AP1M2: variants seen among roughly 807,000 people sequenced by gnomAD.
The protein encoded by AP1M2 is adaptor related protein complex 1 subunit mu 2, also known as AP-1 complex subunit mu-2.
AP1M2 carries 41 observed loss-of-function variants against 54.6 expected under a neutral mutation model. The ratio of observed to expected loss-of-function variants is 0.75; its 90% CI spans 0.59 to 0.97. The LOEUF is 0.97. AP1M2 is among the 50% of genes least tolerant of loss of function. The pLI is 0.00. For synonymous variants in AP1M2, 219 were observed against 215.9 expected (o/e 1.01, Z -0.13); for missense variants, 507 against 561.2 (o/e 0.90, Z 0.98).
Position 10,581,654 on chromosome 19 carries a change from G to T in AP1M2, c.399-20C>A, listed in dbSNP as rs760710394. ...ATGTACCTGGAGGGAGGGCGGCAGG[G>T]ACAAGCAGCTGGACCCAGGGACACC... On this transcript the variant is annotated intron_variant, in intron 4 of 11. Coordinates refer to ENST00000250244, the MANE Select transcript of AP1M2 (RefSeq NM_005498.5). 6.2e-7 allele frequency: 1 copy of T among 1,613,534 alleles called. No homozygotes were observed. Among genetic ancestry groups the T allele is most frequent in the South Asian group, 1.1e-5 (1 of 91,026 alleles).
At position 10,574,833 on chromosome 19, in the gene AP1M2, G is replaced by T. The variant is rs2304162; in HGVS notation, c.1173+71C>A. 4 of 1,501,650 alleles carry T rather than the reference G, an allele frequency of 2.7e-6. No homozygotes were observed. In the East Asian group the frequency reaches 7.5e-5, roughly 28 times the overall value. 93.0% of individuals were successfully genotyped at this position (1,501,650 alleles called of 1,614,324 possible). ...ACAGGCCAGGGGACTGAGGTGACTC[G>T]AGCCAAGGGACAGGAGAGAGGGGAA... On this transcript the variant is annotated intron_variant, in intron 10 of 11. Coordinates refer to ENST00000250244, the MANE Select transcript of AP1M2 (RefSeq NM_005498.5).
chr19:10,572,934 G>T lies in AP1M2; in HGVS notation c.*132C>A. The T allele has an allele frequency of 2.3e-6, 2 of 882,776 alleles. No individual in the cohort carries two copies. Among genetic ancestry groups the T allele is most frequent in the South Asian group, 1.5e-5 (1 of 66,426 alleles). 54.7% of individuals were successfully genotyped at this position (882,776 alleles called of 1,614,324 possible). On this transcript the variant is annotated 3_prime_UTR_variant, in exon 12 of 12. Coordinates refer to ENST00000250244, the MANE Select transcript of AP1M2 (RefSeq NM_005498.5). ...AAGAGGTGAGGAAGGGGCGGGTGCT[G>T]GGAGCAAGAAACTGCCAAGTCCAGG...
At chr19:10,584,139 T>C (rs1856512440) in intron 1 of AP1M2, 69 bp from the exon 2 acceptor site, 2 of 1,533,680 alleles carry the variant, frequency 1.3e-6, no homozygotes, top group Non-Finnish European at 1.8e-6. Flanking sequence ...GGAGGCACAG[T>C]GCCCGGTTCT....
At position 10,572,865 on chromosome 19, in the gene AP1M2, C is replaced by G. The variant is rs906557864; in HGVS notation, c.*201G>C. The G allele has an allele frequency of 3.8e-6, 2 of 524,780 alleles. No homozygotes were observed. Among genetic ancestry groups the G allele is most frequent in the African/African-American group, 3.9e-5 (2 of 51,596 alleles). 32.5% of individuals were successfully genotyped at this position (524,780 alleles called of 1,614,324 possible). ...AGGGGGATGGGGAAAGCTCCAAGGG[C>G]GAGGGAAGCAGAGAGAGTTTCTCTC... is the stretch of plus-strand genomic sequence containing the variant. On this transcript the variant is annotated 3_prime_UTR_variant, in exon 12 of 12. Coordinates refer to ENST00000250244, the MANE Select transcript of AP1M2 (RefSeq NM_005498.5).
intron 9 of AP1M2, among the ~76,000 whole-genome samples, chr19:10,575,742 CTTTTTTCTTTTTTTTTCTTT>C (rs1395492919): frequency 6.8e-6 from 1 of 147,554 alleles, no homozygotes; most frequent in Non-Finnish European, 1.5e-5. Context: ...ACTTGTATTT[CTTTTTTCTTTTTTTTTCTTT>C]TTTTTTCTTT....
At chr19:10,573,540 T>C (rs1917125962) in intron 11 of AP1M2, among the ~76,000 whole-genome samples, 1 of 152,012 alleles carries the variant, frequency 6.6e-6, no homozygotes, top group Non-Finnish European at 1.5e-5. Flanking sequence ...ACACAGGTAC[T>C]GTAACCATAG....
intron 11 of AP1M2, 41 bp downstream of exon 11, chr19:10,574,375 CT>C: frequency 6.7e-7 from 1 of 1,485,288 alleles, no homozygotes; most frequent in Non-Finnish European, 9.1e-7. Flanking sequence ...TACCCACTGC[CT>C]TTCCCTCACC....
At chr19:10,585,330 A>AGAAAGAAG (rs1917618728) in intron 1 of AP1M2, among the ~76,000 whole-genome samples, 1 of 151,412 alleles carries the variant, frequency 6.6e-6, no homozygotes, top group African/African-American at 2.4e-5. Flanking sequence ...AAAGAAAGAA[A>AGAAAGAAG]GAAAGAAAGA....
chr19:10,573,420 AAAAAG>A (rs1917123268), intron 11 of AP1M2, among the ~76,000 whole-genome samples: 1 of 151,894 alleles, frequency 6.6e-6, no homozygotes, highest in Non-Finnish European at 1.5e-5. Flanking sequence ...TTCCATCTCA[AAAAAG>A]AAAAGAAATG....
Position 10,581,692 on chromosome 19 carries a change from C to A in AP1M2, c.398+56G>T, listed in dbSNP as rs1448743262. 5 of 1,611,806 alleles carry A rather than the reference C, an allele frequency of 3.1e-6. No individual in the cohort carries two copies. In the East Asian group the frequency reaches 1.1e-4, roughly 36 times the overall value. ...ACCCAGGGACACCTCCGTGGACCTC[C>A]TCCAGTTCCTTACACCCACAGTCCA... is the stretch of plus-strand genomic sequence containing the variant. On this transcript the variant is annotated intron_variant, in intron 4 of 11. Coordinates refer to ENST00000250244, the MANE Select transcript of AP1M2 (RefSeq NM_005498.5).
intron 1 of AP1M2, among the ~76,000 whole-genome samples, chr19:10,584,328 C>G (rs1274077458): frequency 6.6e-6 from 1 of 152,204 alleles, no homozygotes. Context: ...CGCCTGTGAT[C>G]CCAGCATTTT....
At chr19:10,587,096 G>A in intron 1 of AP1M2, 94 bp downstream of exon 1, 1 of 1,394,342 alleles carries the variant, frequency 7.2e-7, no homozygotes, top group South Asian at 1.3e-5. Flanking sequence ...GGTGTTCCCA[G>A]ACCTCTTCCT....
intron 9 of AP1M2, among the ~76,000 whole-genome samples, chr19:10,575,527 C>T (rs1917200939): frequency 6.6e-6 from 1 of 152,082 alleles, no homozygotes; most frequent in Admixed American, 6.6e-5. Flanking sequence ...AACTGAGCCT[C>T]CTTAAGTGGA....
chr19:10,577,755 T>TTG (rs1401635898), intron 8 of AP1M2, among the ~76,000 whole-genome samples: 3 of 108,506 alleles, frequency 2.8e-5, no homozygotes, highest in East Asian at 3.8e-4. Context: ...TTTTTTTTTT[T>TTG]AGACGGAGTC....
Position 10,581,359 on chromosome 19 carries a change from T to C in AP1M2, c.580A>G (p.Ile194Val), listed in dbSNP as rs754100571. 2 of 1,613,288 alleles carry C rather than the reference T, an allele frequency of 1.2e-6. No homozygotes were observed. Among genetic ancestry groups the C allele is most frequent in the East Asian group, 2.2e-5 (1 of 44,856 alleles). Residue 194 changes from isoleucine to valine, a missense_variant, in exon 6 of 12, where the codon ATC (isoleucine) becomes GTC (valine). Coordinates refer to ENST00000250244, the MANE Select transcript of AP1M2 (RefSeq NM_005498.5). ...ACCTTGAGCTTGATGGTACCGACGA[T>C]TTCGCTCAGAAGGACGCTGCCGTTG... ...NANGSVLLSEIVGTIKLKVFL... is the reference protein window; with the variant it reads ...NANGSVLLSEVVGTIKLKVFL...
At chr19:10,585,203 A>T (rs1161981491) in intron 1 of AP1M2, among the ~76,000 whole-genome samples, 1 of 150,986 alleles carries the variant, frequency 6.6e-6, no homozygotes, top group Non-Finnish European at 1.5e-5. Context: ...CAACAGAGTG[A>T]GACCCTGTCA....
At chr19:10,577,122 T>C in intron 9 of AP1M2, 76 bp downstream of exon 9, 5 of 1,499,078 alleles carry the variant, frequency 3.3e-6, no homozygotes, top group Non-Finnish European at 4.5e-6. Flanking sequence ...TGCCTTGTTC[T>C]CATGGCTCCT....
At chr19:10,578,833 T>G in intron 8 of AP1M2, 59 bp downstream of exon 8, 3 of 1,385,154 alleles carry the variant, frequency 2.2e-6, no homozygotes, top group Non-Finnish European at 3.0e-6. Context: ...ATTACAGGTG[T>G]GAGCCACCGC....
chr19:10,576,515 G>C (rs1332571672), intron 9 of AP1M2, among the ~76,000 whole-genome samples: 1 of 151,952 alleles, frequency 6.6e-6, no homozygotes, highest in African/African-American at 2.4e-5. Flanking sequence ...GCCCACCTCG[G>C]CCTCCCAAAG....
Sources: allele counts gnomAD v4.1 joint callset (sites outside exome capture counted in the v4.1 genomes callset), GRCh38; gene constraint gnomAD v4.1.1; transcripts MANE v1.5; gene names NCBI Gene and HGNC (gene_info 2026-07-23, HGNC 2026-07-21).